The following IMMP2L variants were observed in gnomAD, a reference collection of about 807,000 sequenced individuals.
IMMP2L encodes the protein mitochondrial inner membrane protease subunit 2.
IMMP2L carries 18 observed loss-of-function variants against 19.3 expected under a neutral mutation model. The observed-to-expected ratio is 0.93, with a 90% CI of 0.64 to 1.38. The LOEUF is 1.38. Among genes scored for constraint, IMMP2L ranks in the 40% most tolerant of loss-of-function variants. IMMP2L has a pLI of 0.00. For missense variants in IMMP2L, 233 were observed against 218.2 expected, an observed-to-expected ratio of 1.07 and a Z score of -0.43; for synonymous variants, 76 against 73.0, an observed-to-expected ratio of 1.04 and a Z score of -0.21.
At chr7:111,394,343 C>A (rs182736625) in intron 3 of IMMP2L, among the ~76,000 whole-genome samples, 2 of 152,194 alleles carry the variant, frequency 1.3e-5, no homozygotes, top group East Asian at 1.9e-4. Context: ...TTCATTGCTG[C>A]CATCATTGAT....
At chr7:111,408,025 C>A (rs1422839552) in intron 3 of IMMP2L, among the ~76,000 whole-genome samples, 3 of 151,806 alleles carry the variant, frequency 2.0e-5, no homozygotes, top group African/African-American at 7.3e-5. Context: ...ATAACTCAGG[C>A]ATGGGAAAAT....
chr7:111,103,463 T>C (rs1798199583), intron 3 of IMMP2L, among the ~76,000 whole-genome samples: 1 of 151,668 alleles, frequency 6.6e-6, no homozygotes, highest in Non-Finnish European at 1.5e-5. Context: ...ATAACTAACA[T>C]GGTAAATAGC....
At chr7:110,885,214 TG>T (rs1810093433) in intron 5 of IMMP2L, among the ~76,000 whole-genome samples, 1 of 152,004 alleles carries the variant, frequency 6.6e-6, no homozygotes, top group Non-Finnish European at 1.5e-5. Context: ...CTATACTTAC[TG>T]GATGAGCATA....
intron 3 of IMMP2L, among the ~76,000 whole-genome samples, chr7:111,388,747 C>T (rs567120685): frequency 6.6e-5 from 10 of 152,046 alleles, no homozygotes; most frequent in Non-Finnish European, 1.0e-4. Context: ...TTCACTACCA[C>T]GAGAATAGCA....
chr7:111,297,507 T>A (rs1158020408), intron 3 of IMMP2L, among the ~76,000 whole-genome samples: 1 of 152,124 alleles, frequency 6.6e-6, no homozygotes, highest in African/African-American at 2.4e-5. Flanking sequence ...TTTGGCAGTT[T>A]TAGAAATAAA....
At chr7:110,725,633 T>A (rs904132372) in intron 5 of IMMP2L, 1 of 152,200 alleles carries the variant, frequency 6.6e-6, no homozygotes, top group Non-Finnish European at 1.5e-5. Context: ...AAGCACTGTG[T>A]TCAGCAAGAA....
chr7:111,312,619 A>C (rs990243502), intron 3 of IMMP2L, among the ~76,000 whole-genome samples: 1 of 152,172 alleles, frequency 6.6e-6, no homozygotes, highest in Non-Finnish European at 1.5e-5. Flanking sequence ...TATTCAATCC[A>C]TAACAGTCAA....
At chr7:110,691,665 T>C (rs1490549486) in intron 5 of IMMP2L, among the ~76,000 whole-genome samples, 6 of 152,016 alleles carry the variant, frequency 3.9e-5, no homozygotes, top group African/African-American at 1.4e-4. Context: ...TGGATAGACA[T>C]ATCTCAAAAA....
At chr7:111,525,911 C>A (rs1846796714) in intron 1 of IMMP2L, among the ~76,000 whole-genome samples, 1 of 151,934 alleles carries the variant, frequency 6.6e-6, no homozygotes, top group South Asian at 2.1e-4. Flanking sequence ...GGACGATGGC[C>A]CTGAAGCATG....
At chr7:111,440,413 G>C (rs1563193554) in intron 3 of IMMP2L, among the ~76,000 whole-genome samples, 1 of 152,006 alleles carries the variant, frequency 6.6e-6, no homozygotes, top group East Asian at 1.9e-4. Context: ...GGAAAACACT[G>C]ATCGCCTTGT....
At chr7:110,829,193 A>T (rs577326177) in intron 5 of IMMP2L, among the ~76,000 whole-genome samples, 6 of 152,292 alleles carry the variant, frequency 3.9e-5, no homozygotes, top group African/African-American at 1.4e-4. Context: ...TAAACAACAT[A>T]AAATGGGGAG....
chr7:110,951,257 G>A (rs1458734897), intron 4 of IMMP2L, among the ~76,000 whole-genome samples: 2 of 151,692 alleles, frequency 1.3e-5, no homozygotes, highest in African/African-American at 2.4e-5. Context: ...TTTCAAGAGG[G>A]TAGATCTCAT....
intron 2 of IMMP2L, chr7:111,492,469 A>G (rs1010004974): frequency 8.7e-6 from 7 of 800,276 alleles, no homozygotes; most frequent in Non-Finnish European, 9.1e-6. Flanking sequence ...GGAAACTTCT[A>G]GTCATTTGTC....
rs555032656 is a variant in IMMP2L at position 110,713,020 on chromosome 7, A to G, written c.409-49299T>C. 1.2e-3 allele frequency among the ~76,000 whole-genome samples: 181 copies of G among 152,244 alleles called. 1 individual carries two copies. Among genetic ancestry groups the G allele is most frequent in the African/African-American group, 4.2e-3 (174 of 41,536 alleles). On this transcript the variant is annotated intron_variant, in intron 5 of 5. Transcript: ENST00000405709. ...AGACCGGAGCTGTTCCTATTCGGCC[A>G]TCTTCGTATGACTCTTGTAGATAAC...
At chr7:110,664,633 C>A (rs991802609) in intron 5 of IMMP2L, among the ~76,000 whole-genome samples, 1 of 152,032 alleles carries the variant, frequency 6.6e-6, no homozygotes, top group African/African-American at 2.4e-5. Context: ...AGGGTCTTAT[C>A]TTAAGAGATT....
At chr7:111,040,930 T>C (rs1008072524) in intron 3 of IMMP2L, among the ~76,000 whole-genome samples, 1 of 151,982 alleles carries the variant, frequency 6.6e-6, no homozygotes, top group Non-Finnish European at 1.5e-5. Context: ...TTTATGTTTA[T>C]AAATTAATAC....
intron 2 of IMMP2L, among the ~76,000 whole-genome samples, chr7:111,498,656 T>C (rs1465979015): frequency 6.6e-6 from 1 of 152,158 alleles, no homozygotes; most frequent in Non-Finnish European, 1.5e-5. Flanking sequence ...TTCCCCAACA[T>C]ATACAATGGT....
intron 3 of IMMP2L, among the ~76,000 whole-genome samples, chr7:110,999,024 T>C (rs1217793718): frequency 6.6e-6 from 1 of 152,178 alleles, no homozygotes; most frequent in Non-Finnish European, 1.5e-5. Context: ...GAGGCCCAGA[T>C]ACCATTTTAA....
intron 5 of IMMP2L, among the ~76,000 whole-genome samples, chr7:110,835,773 C>A (rs901120452): frequency 6.7e-6 from 1 of 149,336 alleles, no homozygotes; most frequent in South Asian, 2.1e-4. Context: ...AAGATTAGAA[C>A]TCTTTTAATA....
Sources: gnomAD v4.1 joint callset for allele counts (sites outside exome capture counted in the v4.1 genomes callset) on GRCh38, gnomAD v4.1.1 for gene constraint, MANE v1.5 for transcripts, NCBI Gene and HGNC (gene_info 2026-07-23, HGNC 2026-07-21) for gene names.